Variants in ODAD2 observed in about 807,000 individuals in gnomAD.
The protein encoded by ODAD2 is outer dynein arm-docking complex subunit 2.
In ODAD2, 89 loss-of-function variants were observed where a neutral mutation model predicts 106.8. That is an observed-to-expected ratio of 0.83 (90% CI 0.70 to 0.99). The LOEUF is 0.99. Ranked by LOEUF, ODAD2 falls within the 50% of genes least tolerant of loss-of-function variation. ODAD2 has a pLI of 0.00. For synonymous variants in ODAD2, 404 were observed against 436.2 expected (o/e 0.93, Z 0.92); for missense variants, 1,168 against 1,238.5 (o/e 0.94, Z 0.85).
At chr10:27,862,230 A>G (rs1209080411) in intron 18 of ODAD2, among the ~76,000 whole-genome samples, 1 of 152,220 alleles carries the variant, frequency 6.6e-6, no homozygotes, top group African/African-American at 2.4e-5. Flanking sequence ...AGGATCTTGT[A>G]ATACTAACAT....
chr10:27,935,284 T>C (rs756295807), intron 15 of ODAD2, 32 bp from the exon 16 acceptor site: 2 of 1,611,166 alleles, frequency 1.2e-6, no homozygotes, highest in African/African-American at 1.3e-5. Context: ...GGAGAATTGG[T>C]TTTTGTATAA....
chr10:27,951,586 TA>T (rs1847328857), intron 10 of ODAD2, among the ~76,000 whole-genome samples: 1 of 151,938 alleles, frequency 6.6e-6, no homozygotes, highest in South Asian at 2.1e-4. Flanking sequence ...TACCTTCTAT[TA>T]TACATAAAGT....
At chr10:27,822,199 G>T (rs915709770) in intron 19 of ODAD2, among the ~76,000 whole-genome samples, 4 of 152,018 alleles carry the variant, frequency 2.6e-5, no homozygotes, top group African/African-American at 9.7e-5. Flanking sequence ...ATGGGAATTG[G>T]GTCTGCATTC....
chr10:27,843,863 C>T lies in ODAD2; in HGVS notation c.3021+16762G>A, dbSNP rs73604085. 2.2e-3 allele frequency among the ~76,000 whole-genome samples: 333 copies of T among 152,170 alleles called. 2 individuals are homozygous for T. Among genetic ancestry groups the T allele is most frequent in the African/African-American group, 7.9e-3 (326 of 41,528 alleles). On this transcript the variant is annotated intron_variant, in intron 19 of 19. Coordinates refer to ENST00000305242, the MANE Select transcript of ODAD2 (RefSeq NM_018076.5). ...AAAGATTTGTTTTTTCAAAAAATCA[C>T]AAAGAATCTGGTTTAAACTTGATAT...
intron 2 of ODAD2, among the ~76,000 whole-genome samples, chr10:27,988,379 C>T (rs1462885386): frequency 3.4e-5 from 5 of 148,544 alleles, no homozygotes; most frequent in African/African-American, 1.0e-4. Flanking sequence ...CCTCTGTCAC[C>T]GGGATTGGAG....
Position 27,940,728 on chromosome 10 carries a change from C to A in ODAD2, c.1821G>T (p.Val607=). 1.2e-6 allele frequency: 2 copies of A among 1,614,126 alleles called. No individual in the cohort carries two copies. Among genetic ancestry groups the A allele is most frequent in the Non-Finnish European group, 1.7e-6 (2 of 1,179,998 alleles). The change falls in exon 13 of 20, where the codon GTG becomes GTT. Residue 607 remains valine (V), a synonymous_variant. Transcript: ENST00000305242. The part of the protein sequence containing the change: ...SSLYEARDVE[V]ARCGALALWS... ...ACAGGGCCAGTGCCCCACAGCGAGC[C>A]ACTTCCACGTCTCTGGCCTCATACA...
chr10:27,935,326 A>G, intron 15 of ODAD2, 74 bp from the exon 16 acceptor site: 1 of 1,548,412 alleles, frequency 6.5e-7, no homozygotes, highest in South Asian at 1.2e-5. Flanking sequence ...TGTTCATTCA[A>G]TCCTTACAAC....
In ODAD2 at chr10:27,995,208, C is replaced by T. The variant is rs1480455181; in HGVS notation, c.-38-28G>A. 5 of 1,573,108 alleles carry T rather than the reference C, an allele frequency of 3.2e-6. No homozygotes were observed. The African/African-American group carries it at 6.8e-5, about 21-fold the overall frequency. On this transcript the variant is annotated intron_variant, in intron 1 of 19. Transcript: ENST00000305242. ...ACATCAGAGCAGAAAGAGAAAGAGACAACAGCGTCCACCTTTTCCTTGGAA... is the reference window on the plus strand; with the variant it reads ...ACATCAGAGCAGAAAGAGAAAGAGATAACAGCGTCCACCTTTTCCTTGGAA...
chr10:27,876,105 C>T (rs1841322079), intron 17 of ODAD2, among the ~76,000 whole-genome samples: 1 of 152,158 alleles, frequency 6.6e-6, no homozygotes, highest in South Asian at 2.1e-4. Flanking sequence ...TCACTGTAGA[C>T]TCCACATCTG....
chr10:27,888,148 T>C (rs1218680240), intron 17 of ODAD2, among the ~76,000 whole-genome samples: 10 of 152,090 alleles, frequency 6.6e-5, no homozygotes, highest in Admixed American at 2.0e-4. Flanking sequence ...CTTTTTGATA[T>C]GGCAATTTCT....
intron 18 of ODAD2, 67 bp downstream of exon 18, chr10:27,862,367 G>T: frequency 7.6e-7 from 1 of 1,311,680 alleles, no homozygotes; most frequent in Non-Finnish European, 1.0e-6. Context: ...CAAATGCATT[G>T]TTTTCATCAC....
At chr10:27,876,254 G>A (rs1192849717) in intron 17 of ODAD2, among the ~76,000 whole-genome samples, 2 of 152,156 alleles carry the variant, frequency 1.3e-5, no homozygotes, top group African/African-American at 4.8e-5. Flanking sequence ...CTCCTCAAGT[G>A]GGTCCCTGAC....
At position 27,961,744 on chromosome 10, in the gene ODAD2, T is replaced by C. The variant is rs757352783; in HGVS notation, c.1239-29A>G. The C allele has an allele frequency of 7.5e-6, 12 of 1,598,022 alleles. No individual in the cohort carries two copies. In the South Asian group the frequency reaches 9.1e-5, roughly 12 times the overall value. ...AGAACAATAACAACACACATACACA[T>C]GTAAGCTATAGTGTGGAGATCTATT... On this transcript the variant is annotated intron_variant, in intron 9 of 19. Coordinates refer to ENST00000305242, the MANE Select transcript of ODAD2 (RefSeq NM_018076.5).
rs1457281964 is a variant in ODAD2 at position 27,944,712 on chromosome 10, A to C, written c.1533+104T>G. The stretch of plus-strand genomic sequence containing the variant: ...AGGTCATCAGCAATAATAGCAGATA[A>C]AGACAAGAACCAGGCAACGAGGCAT... On this transcript the variant is annotated intron_variant, in intron 11 of 19. Coordinates refer to ENST00000305242, the MANE Select transcript of ODAD2 (RefSeq NM_018076.5). 3.6e-6 allele frequency: 5 copies of C among 1,388,046 alleles called. No homozygotes were observed. The African/African-American group carries it at 7.2e-5, about 20-fold the overall frequency. The allele number at this position is 1,388,046 out of a possible 1,614,324, so 86.0% of individuals were successfully genotyped here.
At chr10:27,938,144 G>A (rs1846126316) in intron 14 of ODAD2, among the ~76,000 whole-genome samples, 1 of 152,032 alleles carries the variant, frequency 6.6e-6, no homozygotes, top group South Asian at 2.1e-4. Flanking sequence ...TCACCACGTT[G>A]GCCAGGCTGG....
At chr10:27,951,218 C>A (rs1038019951) in intron 10 of ODAD2, among the ~76,000 whole-genome samples, 1 of 152,068 alleles carries the variant, frequency 6.6e-6, no homozygotes, top group African/African-American at 2.4e-5. Flanking sequence ...TCATGTAAAC[C>A]AACCAAAATG....
At chr10:27,961,261 A>T (rs1278061377) in intron 10 of ODAD2, among the ~76,000 whole-genome samples, 1 of 152,138 alleles carries the variant, frequency 6.6e-6, no homozygotes, top group East Asian at 1.9e-4. Flanking sequence ...TTAAAAATCC[A>T]TGTTATTTCT....
chr10:27,862,245 T>A (rs1840098800), intron 18 of ODAD2, among the ~76,000 whole-genome samples, 189 bp downstream of exon 18: 1 of 152,198 alleles, frequency 6.6e-6, no homozygotes, highest in Non-Finnish European at 1.5e-5. Context: ...TAACATTTTA[T>A]AGTTTAAAAT....
At chr10:27,857,617 T>C (rs1241616155) in intron 19 of ODAD2, among the ~76,000 whole-genome samples, 1 of 152,216 alleles carries the variant, frequency 6.6e-6, no homozygotes, top group African/African-American at 2.4e-5. Flanking sequence ...ACACCTAAAA[T>C]TCAAACTGAC....
Sources: allele counts gnomAD v4.1 joint callset (sites outside exome capture counted in the v4.1 genomes callset), GRCh38; gene constraint gnomAD v4.1.1; transcripts MANE v1.5; gene names NCBI Gene and HGNC (gene_info 2026-07-23, HGNC 2026-07-21).